The following LRBA variants were observed in gnomAD, a reference collection of about 807,000 sequenced individuals.
LRBA encodes LPS responsive beige-like anchor protein.
LRBA carries 176 observed loss-of-function variants against 330.0 expected under a neutral mutation model. That is an observed-to-expected ratio of 0.53 (90% CI 0.47 to 0.60). The LOEUF is 0.60. LRBA is among the 20% of genes least tolerant of loss of function. The pLI is 0.00. For synonymous variants in LRBA, 1,230 were observed against 1,193.0 expected (o/e 1.03, Z -0.64); for missense variants, 3,259 against 3,444.8 (o/e 0.95, Z 1.35).
At chr4:150,536,384 T>C (rs932011191) in intron 40 of LRBA, among the ~76,000 whole-genome samples, 1 of 152,228 alleles carries the variant, frequency 6.6e-6, no homozygotes, top group Non-Finnish European at 1.5e-5. Flanking sequence ...CATAGAAAAG[T>C]ATTTAGGAAT....
intron 47 of LRBA, among the ~76,000 whole-genome samples, chr4:150,377,617 A>G (rs921446851): frequency 1.4e-4 from 22 of 152,146 alleles, no homozygotes; most frequent in South Asian, 4.2e-4. Flanking sequence ...TTTCCATAAG[A>G]CATGTACCCA....
At chr4:150,829,462 T>A (rs1560879219) in intron 29 of LRBA, among the ~76,000 whole-genome samples, 1 of 152,194 alleles carries the variant, frequency 6.6e-6, no homozygotes, top group African/African-American at 2.4e-5. Flanking sequence ...AAAATCTGCA[T>A]CTTGCTAACT....
chr4:150,584,224 A>T, intron 40 of LRBA: 1 of 1,230,550 alleles, frequency 8.1e-7, no homozygotes, highest in Middle Eastern at 2.1e-4. Flanking sequence ...CACCTGAAAT[A>T]GGAATCCGGC....
At position 150,805,595 on chromosome 4, in the gene LRBA, GGAAAGGAAAA is replaced by G. The variant is rs1400582065; in HGVS notation, c.5518+666_5518+675del. Among the ~76,000 whole-genome samples, 364 of 89,728 alleles carry G rather than the reference GGAAAGGAAAA, an allele frequency of 4.1e-3. 3 individuals carry two copies. Among genetic ancestry groups the G allele is most frequent in the Admixed American group, 7.7e-3 (51 of 6,644 alleles). 58.9% of individuals were successfully genotyped at this position (89,728 alleles called of 152,430 possible). ...GGAAAGGAAAGGAAAGGAAAGGAAA[GGAAAGGAAAA>G]GAAAGGAAAGGAAAGGAAAGGAGAA... On this transcript the variant is annotated intron_variant, in intron 33 of 56. Transcript: ENST00000651943.
intron 40 of LRBA, among the ~76,000 whole-genome samples, chr4:150,499,152 C>T (rs7688842): frequency 0.37 from 56,934 of 151,928 alleles, 11,562 homozygotes; most frequent in Non-Finnish European, 0.47. Flanking sequence ...ATTTTTGCAC[C>T]TTTATGCCAA....
chr4:150,693,589 G>C (rs1180530216), intron 36 of LRBA, among the ~76,000 whole-genome samples: 1 of 86,004 alleles, frequency 1.2e-5, no homozygotes, highest in Non-Finnish European at 3.1e-5. Flanking sequence ...AAAAAAAATT[G>C]GGCAAGAAAT....
chr4:150,883,995 T>G (rs1186621668), intron 17 of LRBA, among the ~76,000 whole-genome samples: 1 of 152,186 alleles, frequency 6.6e-6, no homozygotes, highest in Non-Finnish European at 1.5e-5. Flanking sequence ...GAAAAATATT[T>G]ATTGTTGAGA....
intron 48 of LRBA, among the ~76,000 whole-genome samples, chr4:150,335,497 A>ATG (rs1371311644): frequency 2.0e-5 from 3 of 146,938 alleles, no homozygotes; most frequent in South Asian, 4.2e-4. Flanking sequence ...GTGTGTATAT[A>ATG]TATATACACA....
intron 40 of LRBA, among the ~76,000 whole-genome samples, chr4:150,549,978 A>T (rs1006308490): frequency 6.6e-6 from 1 of 152,196 alleles, no homozygotes; most frequent in African/African-American, 2.4e-5. Context: ...CACACCTCTT[A>T]GGCTCTTTTA....
intron 35 of LRBA, among the ~76,000 whole-genome samples, chr4:150,746,270 A>T (rs538389282): frequency 7.1e-4 from 108 of 152,352 alleles, no homozygotes; most frequent in Non-Finnish European, 1.0e-3. Context: ...CCATTATGTA[A>T]TCAGAACAGC....
At chr4:150,788,059 A>T (rs562212629) in intron 34 of LRBA, among the ~76,000 whole-genome samples, 1 of 152,030 alleles carries the variant, frequency 6.6e-6, no homozygotes, top group Admixed American at 6.6e-5. Flanking sequence ...TCCCACCAAC[A>T]GTGTCTGATT....
chr4:150,987,643 T>G (rs1190171478), intron 2 of LRBA, among the ~76,000 whole-genome samples: 2 of 151,122 alleles, frequency 1.3e-5, no homozygotes, highest in Non-Finnish European at 2.9e-5. Flanking sequence ...GAGACAGAGG[T>G]GGCAGTGAGC....
intron 40 of LRBA, among the ~76,000 whole-genome samples, chr4:150,586,461 A>G (rs1331764835): frequency 6.6e-6 from 1 of 152,166 alleles, no homozygotes; most frequent in Non-Finnish European, 1.5e-5. Context: ...GAACACCTTA[A>G]AGCATTAACA....
intron 18 of LRBA, 136 bp downstream of exon 18, chr4:150,872,527 G>T (rs1753558651): frequency 5.4e-6 from 3 of 552,076 alleles, no homozygotes; most frequent in Non-Finnish European, 6.4e-6. Context: ...GTACTAGTGG[G>T]ATTACATTTA....
chr4:150,736,169 A>C (rs953367635), intron 35 of LRBA, among the ~76,000 whole-genome samples: 8 of 152,208 alleles, frequency 5.3e-5, no homozygotes, highest in Non-Finnish European at 1.0e-4. Context: ...ACCCTAAATT[A>C]ATACAATCGG....
intron 47 of LRBA, among the ~76,000 whole-genome samples, chr4:150,364,784 A>G (rs1330357418): frequency 5.9e-5 from 9 of 152,138 alleles, no homozygotes; most frequent in Non-Finnish European, 1.2e-4. Flanking sequence ...GTAAGCTCCT[A>G]GAAGGTATAG....
At chr4:150,759,268 A>G (rs1261383378) in intron 35 of LRBA, among the ~76,000 whole-genome samples, 1 of 152,134 alleles carries the variant, frequency 6.6e-6, no homozygotes, top group African/African-American at 2.4e-5. Context: ...TCTTCTCAAA[A>G]TCATGCAATG....
chr4:150,484,353 A>G (rs1444054857), intron 42 of LRBA, among the ~76,000 whole-genome samples: 1 of 152,016 alleles, frequency 6.6e-6, no homozygotes, highest in African/African-American at 2.4e-5. Context: ...TAGAACTATT[A>G]AGATTAACCA....
chr4:150,899,949 A>G, intron 14 of LRBA, 100 bp downstream of exon 14: 3 of 812,106 alleles, frequency 3.7e-6, no homozygotes, highest in Admixed American at 3.1e-5. Flanking sequence ...GGAATATAGA[A>G]AAACTGCCCA....
Sources: gnomAD v4.1 joint callset for allele counts (sites outside exome capture counted in the v4.1 genomes callset) on GRCh38, gnomAD v4.1.1 for gene constraint, MANE v1.5 for transcripts, NCBI Gene and HGNC (gene_info 2026-07-23, HGNC 2026-07-21) for gene names.